Variants in ARHGEF33 observed in about 807,000 individuals in gnomAD.
ARHGEF33 encodes the protein DH and coiled-coil domain-containing protein ENSP00000381780.
Under a neutral mutation model 101.9 loss-of-function variants are expected in ARHGEF33, and 72 were observed. The observed-to-expected ratio is 0.71, with a 90% CI of 0.58 to 0.86. The LOEUF (loss-of-function observed/expected upper bound fraction) is 0.86. ARHGEF33 is among the 40% of genes least tolerant of loss of function. The probability of loss-of-function intolerance (pLI) is 0.00; values close to 1 mark genes in which losing one functional copy is unlikely to be tolerated. For missense variants in ARHGEF33, 1,169 were observed against 1,111.3 expected (o/e 1.05, Z -0.74); for synonymous variants, 499 against 442.5 (o/e 1.13, Z -1.60).
rs1454040114 is a variant in ARHGEF33, at chr2:38,943,901, C to A, written c.791C>A (p.Ala264Asp). 2.6e-6 allele frequency: 4 copies of A among 1,551,020 alleles called. No individual in the cohort carries two copies. In the Admixed American group the frequency reaches 7.9e-5, roughly 31 times the overall value. Residue 264 changes from alanine (A) to aspartate (D), a missense_variant and splice_region_variant, in exon 10 of 18, where the codon GCT (alanine) becomes GAT (aspartate). Ala to Asp is a moderately radical substitution (Grantham distance 126). Coordinates refer to ENST00000409978, the MANE Select transcript of ARHGEF33 (RefSeq NM_001145451.5). ...AGTCCTCTTTGGTTTGTTTCTAAAG[C>A]TAAAAGACAGACTGTGGCCCTGGAA... ...ENVLCETSLA[A>D]KRQTVALELL...
intron 2 of ARHGEF33, among the ~76,000 whole-genome samples, chr2:38,896,499 A>T (rs1398614790): frequency 6.6e-6 from 1 of 152,216 alleles, no homozygotes; most frequent in African/African-American, 2.4e-5. Context: ...AATAGACAAC[A>T]TCTACTTTCC....
At chr2:38,936,065 A>AT (rs1667122061) in intron 8 of ARHGEF33, among the ~76,000 whole-genome samples, 3 of 152,194 alleles carry the variant, frequency 2.0e-5, no homozygotes, top group Admixed American at 6.5e-5. Context: ...AGTATGTTTC[A>AT]TTTTTTCTGG....
At chr2:38,943,769 A>G in intron 9 of ARHGEF33, 132 bp from the exon 10 acceptor site, 1 of 959,088 alleles carries the variant, frequency 1.0e-6, no homozygotes, top group Non-Finnish European at 1.5e-6. Flanking sequence ...TCTGCTTTCT[A>G]CCTTTCAAAA....
At chr2:38,934,417 A>C (rs1667078356) in intron 7 of ARHGEF33, among the ~76,000 whole-genome samples, 5 of 138,378 alleles carry the variant, frequency 3.6e-5, no homozygotes, top group African/African-American at 5.5e-5. Context: ...CCACCCTGAC[A>C]TTTTCCCTCC....
At chr2:38,935,880 T>G in intron 8 of ARHGEF33, 46 bp downstream of exon 8, 2 of 1,422,684 alleles carry the variant, frequency 1.4e-6, no homozygotes, top group African/African-American at 1.4e-5. Context: ...GCAATTCCAT[T>G]ATTTTCCACT....
intron 2 of ARHGEF33, among the ~76,000 whole-genome samples, chr2:38,910,388 C>T (rs549312083): frequency 3.3e-5 from 5 of 152,124 alleles, no homozygotes; most frequent in South Asian, 2.1e-4. Context: ...CTGGGCAACA[C>T]GGTGAAACCC....
At chr2:38,935,149 C>T (rs384007) in intron 7 of ARHGEF33, among the ~76,000 whole-genome samples, 43,380 of 151,734 alleles carry the variant, frequency 0.29, 6,411 homozygotes, top group Admixed American at 0.31. Flanking sequence ...AAATGGGAGC[C>T]ATTGGAGGGC....
chr2:38,955,330 G>T (rs1404841780), intron 13 of ARHGEF33, among the ~76,000 whole-genome samples: 1 of 152,082 alleles, frequency 6.6e-6, no homozygotes, highest in Non-Finnish European at 1.5e-5. Context: ...ACCCCCACCA[G>T]ACCCTCTTCT....
intron 5 of ARHGEF33, 125 bp from the exon 6 acceptor site, chr2:38,929,584 T>A: frequency 1.3e-6 from 1 of 757,946 alleles, no homozygotes. Context: ...AGTAAATTTT[T>A]TAATCTCTCA....
rs1345091400 is a variant in ARHGEF33, at chr2:38,975,110, T to G, written c.*1267T>G. On this transcript the variant is annotated 3_prime_UTR_variant, in exon 18 of 18. Transcript: ENST00000409978. ...TCAAACTGGTGTCTTCAGAAGCTGT[T>G]CCTCTATTGAAGCGTTTGTTGATAA... 6.6e-6 allele frequency: 1 copy of G among 152,238 alleles called. No individual in the cohort carries two copies. Among genetic ancestry groups the G allele is most frequent in the Non-Finnish European group, 1.5e-5 (1 of 68,040 alleles). 9.4% of individuals were successfully genotyped at this position (152,238 alleles called of 1,614,324 possible).
intron 8 of ARHGEF33, among the ~76,000 whole-genome samples, chr2:38,936,119 A>G (rs1286117494): frequency 7.2e-5 from 11 of 152,254 alleles, no homozygotes; most frequent in Admixed American, 7.2e-4. Flanking sequence ...AAAAACTTGC[A>G]GGTGAATGTA....
intron 2 of ARHGEF33, among the ~76,000 whole-genome samples, chr2:38,900,712 C>T (rs1203831117): frequency 6.6e-6 from 1 of 152,056 alleles, no homozygotes; most frequent in Non-Finnish European, 1.5e-5. Flanking sequence ...TTTGCAGAGC[C>T]GACGAGGTGG....
At chr2:38,891,534 CA>C (rs901251348) in intron 1 of ARHGEF33, among the ~76,000 whole-genome samples, 2 of 151,976 alleles carry the variant, frequency 1.3e-5, no homozygotes, top group Non-Finnish European at 2.9e-5. Context: ...ATTTTGCATA[CA>C]ATTTCAGAAG....
At chr2:38,930,483 G>T (rs1390140260) in intron 6 of ARHGEF33, among the ~76,000 whole-genome samples, 1 of 151,746 alleles carries the variant, frequency 6.6e-6, no homozygotes, top group Non-Finnish European at 1.5e-5. Flanking sequence ...GAGTAGCTGG[G>T]ACTATAGGTG....
In ARHGEF33 at chr2:38,953,255, C is replaced by T. The variant is rs551751323; in HGVS notation, c.1137+10C>T. On this transcript the variant is annotated intron_variant, in intron 12 of 17. Coordinates refer to ENST00000409978, the MANE Select transcript of ARHGEF33 (RefSeq NM_001145451.5). ...TGTAGTCCTGAAAGAGGTGAGTTAA[C>T]GCCATATATATGCTATCCTTCATCT... The T allele has an allele frequency of 3.7e-4, 532 of 1,454,756 alleles. 6 individuals are homozygous for T. The South Asian group carries it at 5.3e-3, about 15-fold the overall frequency. The allele number at this position is 1,454,756 out of a possible 1,614,324, so 90.1% of individuals were successfully genotyped here.
intron 4 of ARHGEF33, among the ~76,000 whole-genome samples, chr2:38,921,836 C>T (rs1223843443): frequency 1.3e-5 from 2 of 152,194 alleles, no homozygotes; most frequent in Admixed American, 6.5e-5. Context: ...GGCCATTACA[C>T]TGCAAGATAA....
chr2:38,954,324 C>A, intron 12 of ARHGEF33, 49 bp from the exon 13 acceptor site: 3 of 1,160,350 alleles, frequency 2.6e-6, no homozygotes, highest in Non-Finnish European at 3.8e-6. Context: ...GGTTCTGCTG[C>A]CACAGCTGGA....
chr2:38,953,640 T>C (rs545841019), intron 12 of ARHGEF33, among the ~76,000 whole-genome samples: 12 of 152,364 alleles, frequency 7.9e-5, no homozygotes, highest in Admixed American at 3.3e-4. Context: ...GCTCTAGTCA[T>C]GTTGCTTGAA....
Position 38,929,015 on chromosome 2 carries a change from A to C in ARHGEF33, c.184A>C (p.Arg62=). The C allele has an allele frequency of 1.9e-6, 3 of 1,551,104 alleles. No individual in the cohort carries two copies. Among genetic ancestry groups the C allele is most frequent in the Non-Finnish European group, 2.6e-6 (3 of 1,146,478 alleles). ...YALEEKVKSC[R]CSMEEKVTEM... is the part of the protein sequence containing the mutation. ...TTTGGAAGAAAAGGTTAAGAGCTGC[A>C]GATGTTCCATGGAAGAAAAAGTTAC... Residue 62 remains arginine (R), a synonymous_variant, in exon 5 of 18, where the codon AGA becomes CGA. Transcript: ENST00000409978.
Sources: allele counts gnomAD v4.1 joint callset (sites outside exome capture counted in the v4.1 genomes callset), GRCh38; gene constraint gnomAD v4.1.1; transcripts MANE v1.5; gene names NCBI Gene and HGNC (gene_info 2026-07-23, HGNC 2026-07-21).